Variants in ADGRA1 observed in about 807,000 individuals in gnomAD.
ADGRA1 encodes adhesion G protein-coupled receptor A1.
In ADGRA1, 12 loss-of-function variants were observed where a neutral mutation model predicts 21.3. The observed-to-expected ratio is 0.56, with a 90% CI of 0.36 to 0.91. ADGRA1 has a LOEUF of 0.91. Among genes scored for constraint, ADGRA1 ranks in the 40% least tolerant of loss-of-function variants. The probability of loss-of-function intolerance (pLI) is 0.01; values close to 1 mark genes in which losing one functional copy is unlikely to be tolerated. For synonymous variants in ADGRA1, 385 were observed against 368.8 expected, an observed-to-expected ratio of 1.04 and a Z score of -0.50; for missense variants, 790 against 805.6, an observed-to-expected ratio of 0.98 and a Z score of 0.23.
intron 3 of ADGRA1, among the ~76,000 whole-genome samples, chr10:133,097,570 C>T (rs1006812357): frequency 1.3e-5 from 2 of 152,312 alleles, no homozygotes; most frequent in East Asian, 1.9e-4. Context: ...AAGGTCGCCT[C>T]GGTCACGGAC....
chr10:133,097,198 T>A (rs1851704211), intron 3 of ADGRA1, 97 bp downstream of exon 3: 2 of 1,448,990 alleles, frequency 1.4e-6, no homozygotes, highest in East Asian at 2.3e-5. Flanking sequence ...TGCCCCCTCA[T>A]GTAGCAAGAA....
In ADGRA1 at chr10:133,129,481, G is replaced by A. The variant is rs773171954; in HGVS notation, c.1653G>A (p.Thr551=). 105 of 1,597,878 alleles carry A rather than the reference G, an allele frequency of 6.6e-5. No homozygotes were observed. Among genetic ancestry groups the A allele is most frequent in the African/African-American group, 8.0e-5 (6 of 74,902 alleles). Residue 551 remains threonine, a synonymous_variant, in exon 7 of 7, where the codon ACG becomes ACA. Coordinates refer to ENST00000392607, the MANE Select transcript of ADGRA1 (RefSeq NM_001083909.3). ...CCGACGGGACCGGCAACATCCGAAC[G>A]GGACCCTGGAAAAACGAAACTACTG... ...FGTDGTGNIR[T]GPWKNETTV is the part of the protein sequence containing the mutation.
chr10:133,110,794 C>T lies in ADGRA1; in HGVS notation c.401+7952C>T, dbSNP rs9419106. Among the ~76,000 whole-genome samples, 822 of 152,234 alleles carry T rather than the reference C, an allele frequency of 5.4e-3. 4 individuals are homozygous for T. The highest frequency in any genetic ancestry group is 0.018 in the African/African-American group (745 of 41,534). ...TATCTCACAATCCAGATTTATTTTC[C>T]GGAATTCTGTTTTGACCTCTATTCA... is the stretch of plus-strand genomic sequence containing the variant. On this transcript the variant is annotated intron_variant, in intron 5 of 6. Transcript: ENST00000392607.
chr10:133,114,545 C>T (rs1852120507), intron 5 of ADGRA1, among the ~76,000 whole-genome samples: 1 of 152,196 alleles, frequency 6.6e-6, no homozygotes. Flanking sequence ...TTCCTCCCGA[C>T]ACCCGCGGCG....
Position 133,120,132 on chromosome 10 carries a change from G to A in ADGRA1, c.402-7101G>A, listed in dbSNP as rs148051722. Among the ~76,000 whole-genome samples the A allele has an allele frequency of 4.4e-4, 67 of 152,342 alleles. 1 individual carries two copies. Among genetic ancestry groups the A allele is most frequent in the Middle Eastern group, 3.4e-3 (1 of 294 alleles). ...CAAATCTCTTATTTAGGCCAAGCGC[G>A]GTGGCTCATGCCTGTAATCCCAGCA... On this transcript the variant is annotated intron_variant, in intron 5 of 6. Coordinates refer to ENST00000392607, the MANE Select transcript of ADGRA1 (RefSeq NM_001083909.3).
intron 2 of ADGRA1, among the ~76,000 whole-genome samples, chr10:133,089,767 C>T (rs1851567432): frequency 1.3e-5 from 2 of 152,340 alleles, no homozygotes; most frequent in Admixed American, 6.5e-5. Context: ...TTCGAAATGT[C>T]CAAGCAAGAG....
At position 133,129,031 on chromosome 10, in the gene ADGRA1, G is replaced by A; in HGVS notation, c.1203G>A (p.Leu401=). The change falls in exon 7 of 7, where the codon CTG becomes CTA. Residue 401 remains leucine (L), a synonymous_variant. Transcript: ENST00000392607. The part of the protein sequence containing the change: ...PLTADEAHVH[L]QEEGAFGHDP... ...CGGCGGACGAGGCGCACGTGCACCT[G>A]CAGGAGGAGGGCGCCTTCGGGCACG... The A allele has an allele frequency of 1.3e-6, 2 of 1,562,262 alleles. No individual in the cohort carries two copies. Among genetic ancestry groups the A allele is most frequent in the Non-Finnish European group, 1.7e-6 (2 of 1,152,580 alleles).
chr10:133,106,840 C>T lies in ADGRA1; in HGVS notation c.401+3998C>T, dbSNP rs955197764. Among the ~76,000 whole-genome samples, 8 of 152,250 alleles carry T rather than the reference C, an allele frequency of 5.3e-5. 1 individual carries two copies. In the South Asian group the frequency reaches 8.3e-4, roughly 16 times the overall value. On this transcript the variant is annotated intron_variant, in intron 5 of 6. Coordinates refer to ENST00000392607, the MANE Select transcript of ADGRA1 (RefSeq NM_001083909.3). ...AGTCTCACCCCCGCGGCTCAGAGTG[C>T]CCATCGCGGGCTCCTGGGCAGTGTT...
chr10:133,122,308 C>A (rs1471649707), intron 5 of ADGRA1, among the ~76,000 whole-genome samples: 1 of 152,186 alleles, frequency 6.6e-6, no homozygotes, highest in Non-Finnish European at 1.5e-5. Flanking sequence ...GGCAGGACCA[C>A]ACCTGCAGTC....
chr10:133,126,812 C>T (rs990510278), intron 5 of ADGRA1, among the ~76,000 whole-genome samples: 5 of 152,210 alleles, frequency 3.3e-5, no homozygotes, highest in African/African-American at 1.2e-4. Context: ...TAAAACGGGG[C>T]ACTGCTGGTC....
chr10:133,128,798 C>G lies in ADGRA1; in HGVS notation c.970C>G (p.Arg324Gly), dbSNP rs767857091. The G allele has an allele frequency of 3.7e-6, 6 of 1,608,586 alleles. No individual in the cohort carries two copies. Among genetic ancestry groups the G allele is most frequent in the East Asian group, 4.5e-5 (2 of 44,786 alleles). Residue 324 changes from arginine (R) to glycine (G), a missense_variant, in exon 7 of 7, where the codon CGC becomes GGC. Physicochemically the swap from Arg to Gly is moderately radical, Grantham distance 125 (BLOSUM62 -2). Transcript: ENST00000392607. ...WQCWWACCPP[R>G]KDAHPALDAN... ...GTGCTGGTGGGCATGCTGCCCGCCC[C>G]GCAAGGACGCCCACCCCGCACTTGA...
chr10:133,097,663 G>A (rs1337845830), intron 3 of ADGRA1, among the ~76,000 whole-genome samples: 4 of 152,210 alleles, frequency 2.6e-5, no homozygotes, highest in Non-Finnish European at 5.9e-5. Flanking sequence ...AGGCTTGGGC[G>A]GTTCCGAAAC....
chr10:133,129,629 C>T lies in ADGRA1; in HGVS notation c.*118C>T. On this transcript the variant is annotated 3_prime_UTR_variant, in exon 7 of 7. Transcript: ENST00000392607. ...CCCCGCCTTTCAGAAGCCGTTCACA[C>T]CCCTGCCCCTTCCTTGTGATCACAC... 1.9e-6 allele frequency: 1 copy of T among 528,762 alleles called. No individual in the cohort carries two copies. The highest frequency in any genetic ancestry group is 5.3e-5 in the Admixed American group (1 of 18,736). The allele number at this position is 528,762 out of a possible 1,614,324, so 32.8% of individuals were successfully genotyped here.
chr10:133,101,358 CGCATGCTAAGTGACA>C (rs1851790193), intron 4 of ADGRA1, among the ~76,000 whole-genome samples: 1 of 152,218 alleles, frequency 6.6e-6, no homozygotes, highest in Admixed American at 6.5e-5. Flanking sequence ...GAGCCCCATT[CGCATGCTAAGTGACA>C]CATTCAACAG....
intron 5 of ADGRA1, among the ~76,000 whole-genome samples, chr10:133,107,542 G>A (rs1036738451): frequency 6.6e-6 from 1 of 152,116 alleles, no homozygotes; most frequent in African/African-American, 2.4e-5. Flanking sequence ...TGTTAGCATT[G>A]GATTTAGCTT....
chr10:133,115,518 G>C (rs955823181), intron 5 of ADGRA1, among the ~76,000 whole-genome samples: 1 of 152,178 alleles, frequency 6.6e-6, no homozygotes, highest in Non-Finnish European at 1.5e-5. Flanking sequence ...ACCCCGAGAA[G>C]GGCAGCCCCC....
chr10:133,098,877 G>A (rs568286900), intron 4 of ADGRA1, 114 bp downstream of exon 4: 516 of 1,384,774 alleles, frequency 3.7e-4, no homozygotes, highest in Non-Finnish European at 4.6e-4. Flanking sequence ...GAAGAGGGTC[G>A]GACCCTGGCA....
chr10:133,104,548 G>A (rs778845613), intron 5 of ADGRA1, among the ~76,000 whole-genome samples: 14 of 152,164 alleles, frequency 9.2e-5, no homozygotes, highest in South Asian at 4.1e-4. Flanking sequence ...CCCTGCTTGC[G>A]GCCATGGTGC....
intron 2 of ADGRA1, chr10:133,095,578 C>T: frequency 6.7e-7 from 1 of 1,496,922 alleles, no homozygotes; most frequent in South Asian, 1.3e-5. Context: ...CCCGCCTGGC[C>T]AGTGCTGTTC....
Sources: allele counts gnomAD v4.1 joint callset (sites outside exome capture counted in the v4.1 genomes callset), GRCh38; gene constraint gnomAD v4.1.1; transcripts MANE v1.5; gene names NCBI Gene and HGNC (gene_info 2026-07-23, HGNC 2026-07-21).